The following CR1 variants were observed in gnomAD, a reference collection of about 807,000 sequenced individuals.
CR1 encodes complement C3b/C4b receptor 1 (Knops blood group), also known as complement receptor type 1.
In CR1, 116 loss-of-function variants were observed where a neutral mutation model predicts 187.3. The ratio of observed to expected loss-of-function variants is 0.62; its 90% confidence interval spans 0.53 to 0.72. The LOEUF is 0.72. CR1 is among the 30% of genes least tolerant of loss of function. CR1 has a pLI of 0.00. For synonymous variants in CR1, 576 were observed against 747.1 expected (o/e 0.77, Z 3.73); for missense variants, 1,731 against 2,110.7 (o/e 0.82, Z 3.52).
intron 35 of CR1, chr1:207,600,934 G>A (rs1661586375): frequency 6.6e-6 from 1 of 152,038 alleles, no homozygotes; most frequent in Non-Finnish European, 1.5e-5. Context: ...AATTTCTGGG[G>A]TGCTGATGCC....
At chr1:207,499,318 C>T (rs796239144) in intron 1 of CR1, among the ~76,000 whole-genome samples, 2 of 152,054 alleles carry the variant, frequency 1.3e-5, no homozygotes, top group South Asian at 2.1e-4. Flanking sequence ...TAACAATATC[C>T]CATATGTATG....
At position 207,620,061 on chromosome 1, in the gene CR1, C is replaced by A. The variant is rs774432282; in HGVS notation, c.7248C>A (p.Thr2416=). The part of the protein sequence containing the change: ...DRWDPPLAKC[T]SRTHDALIVG... ...GGGACCCTCCTCTGGCCAAATGTAC[C>A]TCTCGTAAGTGCAAGTGCAAGGAAT... Residue 2416 remains threonine (T), a synonymous_variant, in exon 43 of 47, where the codon ACC becomes ACA. Transcript: ENST00000367049. 1 of 1,608,190 alleles carries A rather than the reference C, an allele frequency of 6.2e-7. No individual in the cohort carries two copies. The highest frequency in any genetic ancestry group is 1.7e-5 in the Admixed American group (1 of 58,198).
chr1:207,609,607 G>A lies in CR1; in HGVS notation c.6214G>A (p.Gly2072Arg), dbSNP rs768582642. ...TEIIRFRCQPGFVMVGSHTVQ... is the reference protein window; with the variant it reads ...TEIIRFRCQPRFVMVGSHTVQ... ...GATCATCAGATTTAGATGTCAGCCC[G>A]GGTTTGTCATGGTAGGGTCCCACAC... The change falls in exon 37 of 47, where the codon GGG becomes AGG. Residue 2072 changes from glycine (G) to arginine (R), a missense_variant. Around this residue, in one of 5 missense-constraint regions of CR1, gnomAD observed 1,312 missense variants for 1,379.6 expected, o/e 0.95. Transcript: ENST00000367049. 45 of 1,612,452 alleles carry A rather than the reference G, an allele frequency of 2.8e-5. No individual in the cohort carries two copies. Among genetic ancestry groups the A allele is most frequent in the East Asian group, 4.5e-5 (2 of 44,862 alleles).
At chr1:207,572,611 T>G (rs1660612929) in intron 27 of CR1, among the ~76,000 whole-genome samples, 1 of 151,254 alleles carries the variant, frequency 6.6e-6, no homozygotes, top group African/African-American at 2.4e-5. Flanking sequence ...TTTGTTGTGA[T>G]ATGTGTTTTA....
intron 4 of CR1, among the ~76,000 whole-genome samples, chr1:207,518,195 T>C (rs1434064797): frequency 6.6e-6 from 1 of 152,192 alleles, no homozygotes; most frequent in African/African-American, 2.4e-5. Context: ...TAATATCTCC[T>C]CTGACCCATA....
chr1:207,592,562 C>G (rs1477788067), intron 35 of CR1, among the ~76,000 whole-genome samples: 4 of 152,166 alleles, frequency 2.6e-5, no homozygotes, highest in African/African-American at 9.7e-5. Context: ...TCTCACCACT[C>G]CTATTCAACA....
rs1469356855 is a variant in CR1 at position 207,580,224 on chromosome 1, A to G, written c.4937-16A>G. 4.3e-6 allele frequency: 7 copies of G among 1,612,928 alleles called. No homozygotes were observed. In the South Asian group the frequency reaches 7.7e-5, roughly 18 times the overall value. On this transcript the variant is annotated splice_polypyrimidine_tract_variant and intron_variant, in intron 29 of 46. Transcript: ENST00000367049. ...CCCCATAACTAACAAGTACTCTGGA[A>G]CTGTCCTTTCCACAGTGTGTCAGCC... is the stretch of plus-strand genomic sequence containing the variant.
intron 4 of CR1, among the ~76,000 whole-genome samples, chr1:207,515,234 T>C (rs1225566455): frequency 1.4e-5 from 2 of 147,658 alleles, no homozygotes; most frequent in Non-Finnish European, 3.0e-5. Flanking sequence ...TATACGTATA[T>C]ATACATATAC....
At chr1:207,581,684 G>C (rs1461464544) in intron 31 of CR1, among the ~76,000 whole-genome samples, 1 of 152,162 alleles carries the variant, frequency 6.6e-6, no homozygotes, top group Non-Finnish European at 1.5e-5. Context: ...GTGATTGACA[G>C]CTCTGCCAGC....
At chr1:207,566,255 C>T (rs1375023764) in intron 24 of CR1, among the ~76,000 whole-genome samples, 1 of 149,768 alleles carries the variant, frequency 6.7e-6, no homozygotes, top group African/African-American at 2.5e-5. Context: ...TTCCTTCCAT[C>T]CTTCAGTTCT....
chr1:207,508,568 A>T lies in CR1; in HGVS notation c.401+1755A>T, dbSNP rs189182213. Among the ~76,000 whole-genome samples the T allele has an allele frequency of 3.5e-4, 53 of 152,368 alleles. No homozygotes were observed. The East Asian group carries it at 7.5e-3, about 22-fold the overall frequency. ...CAGGTAAAACAGGAAATTTGAACAA[A>T]ATCTGTGGATTATAACTGTTTCAAT... On this transcript the variant is annotated intron_variant, in intron 3 of 46. Coordinates refer to ENST00000367049, the MANE Select transcript of CR1 (RefSeq NM_000651.6).
chr1:207,573,371 G>A (rs561593281), intron 27 of CR1, among the ~76,000 whole-genome samples: 29 of 152,256 alleles, frequency 1.9e-4, no homozygotes, highest in African/African-American at 6.7e-4. Context: ...GAATAAATCC[G>A]ATGTCTCCTT....
intron 28 of CR1, 130 bp from the exon 29 acceptor site, chr1:207,577,675 T>G (rs1485376847): frequency 1.4e-6 from 2 of 1,415,640 alleles, no homozygotes; most frequent in African/African-American, 1.4e-5. Context: ...GAGGTTGAGG[T>G]GGGAGGATTG....
chr1:207,567,032 T>C (rs1283038989), intron 24 of CR1, among the ~76,000 whole-genome samples: 2 of 150,264 alleles, frequency 1.3e-5, no homozygotes, highest in African/African-American at 5.0e-5. Flanking sequence ...TTAACTGGAC[T>C]ACTCAAGCTT....
chr1:207,591,059 A>G (rs548272251), intron 35 of CR1, among the ~76,000 whole-genome samples: 2 of 152,304 alleles, frequency 1.3e-5, no homozygotes, highest in African/African-American at 2.4e-5. Flanking sequence ...CAGAAAATTA[A>G]CAAGGATATT....
At position 207,506,008 on chromosome 1, in the gene CR1, G is replaced by C. The variant is rs1478766910; in HGVS notation, c.226G>C (p.Gly76Arg). ...GTYLNYECRP[G>R]YSGRPFSIIC... ...ATATCTGAACTATGAATGCCGCCCT[G>C]GTTATTCCGGAAGACCGTTTTCTAT... The change falls in exon 2 of 47, where the codon GGT becomes CGT. Residue 76 changes from glycine to arginine, a missense_variant. Around this residue, in one of 5 missense-constraint regions of CR1, gnomAD observed 237 missense variants for 240.4 expected, o/e 0.99. Coordinates refer to ENST00000367049, the MANE Select transcript of CR1 (RefSeq NM_000651.6). The C allele has an allele frequency of 6.2e-7, 1 of 1,613,906 alleles. No homozygotes were observed. Among genetic ancestry groups the C allele is most frequent in the Admixed American group, 1.7e-5 (1 of 60,010 alleles).
intron 46 of CR1, among the ~76,000 whole-genome samples, chr1:207,631,838 T>C (rs988933541): frequency 2.6e-5 from 4 of 152,222 alleles, no homozygotes; most frequent in Non-Finnish European, 4.4e-5. Flanking sequence ...GCCAGTCCTG[T>C]AGAAAGCAGA....
In CR1 at chr1:207,639,431, A is replaced by G. The variant is rs1662913764; in HGVS notation, c.*22A>G. 6.3e-7 allele frequency: 1 copy of G among 1,592,622 alleles called. No homozygotes were observed. The highest frequency in any genetic ancestry group is 8.6e-7 in the Non-Finnish European group (1 of 1,168,022). On this transcript the variant is annotated 3_prime_UTR_variant, in exon 47 of 47. Transcript: ENST00000367049. ...TTGACAAAGTACTATACAGCTGAAG[A>G]ACATCTCGAATACAATTTTGGTGGG...
At chr1:207,497,623 C>T (rs763122811) in intron 1 of CR1, among the ~76,000 whole-genome samples, 1 of 152,190 alleles carries the variant, frequency 6.6e-6, no homozygotes, top group African/African-American at 2.4e-5. Context: ...ATAAAACGTA[C>T]AATCTTATTT....
Sources: gnomAD v4.1 joint callset for allele counts (sites outside exome capture counted in the v4.1 genomes callset) on GRCh38, gnomAD v4.1.1 for gene constraint, gnomAD v4.1.1 regional missense constraint, MANE v1.5 for transcripts, NCBI Gene and HGNC (gene_info 2026-07-23, HGNC 2026-07-21) for gene names.